The following DR1 variants were observed in gnomAD, a reference collection of about 807,000 sequenced individuals.
The protein encoded by DR1 is down-regulator of transcription 1.
DR1 carries 7 observed loss-of-function variants against 19.9 expected under a neutral mutation model. The observed-to-expected ratio is 0.35, with a 90% CI of 0.20 to 0.66. DR1 has a LOEUF of 0.66. Among genes scored for constraint, DR1 ranks in the 30% least tolerant of loss-of-function variants. DR1 has a pLI of 0.66. For synonymous variants in DR1, 76 were observed against 72.5 expected (o/e 1.05, Z -0.24); for missense variants, 98 against 203.7 (o/e 0.48, Z 3.16).
Position 93,362,236 on chromosome 1 carries a change from C to T in DR1, c.*1597C>T, listed in dbSNP as rs1194088312. 1 of 152,416 alleles carries T rather than the reference C, an allele frequency of 6.6e-6. No individual in the cohort carries two copies. The highest frequency in any genetic ancestry group is 1.5e-5 in the Non-Finnish European group (1 of 67,874). The allele number at this position is 152,416 out of a possible 1,614,324, so 9.4% of individuals were successfully genotyped here. ...TGCTGAATGTTTTAAGTTGAAGTTA[C>T]TTCATGGATGTCATACCCATGAAGT... On this transcript the variant is annotated 3_prime_UTR_variant, in exon 3 of 3. Transcript: ENST00000370272.
intron 2 of DR1, among the ~76,000 whole-genome samples, chr1:93,356,232 CTTT>C (rs5776179): frequency 1.4e-5 from 2 of 147,548 alleles, no homozygotes. Flanking sequence ...TATCAATCAA[CTTT>C]TTTTTTTTTT....
In DR1 at chr1:93,362,610, G is replaced by A. The variant is rs115884203; in HGVS notation, c.*1971G>A. Reference sequence around the variant, plus strand: ...TTTATAAATGGTTTTTATATTTAATGTTCTATAGAGAGATTTCTATTATTA... The same window carrying A: ...TTTATAAATGGTTTTTATATTTAATATTCTATAGAGAGATTTCTATTATTA... On this transcript the variant is annotated 3_prime_UTR_variant, in exon 3 of 3. Coordinates refer to ENST00000370272, the MANE Select transcript of DR1 (RefSeq NM_001938.3). 7.2e-5 allele frequency: 11 copies of A among 151,920 alleles called. No homozygotes were observed. The South Asian group carries it at 8.3e-4, about 11-fold the overall frequency. 9.4% of individuals were successfully genotyped at this position (151,920 alleles called of 1,614,324 possible).
At position 93,351,849 on chromosome 1, in the gene DR1, C is replaced by T. The variant is rs1207175936; in HGVS notation, c.221-2059C>T. ...TTGATATTTTATAAATATGCTTGTC[C>T]AGCTTGTATTTAAATATGATATTGT... is the stretch of plus-strand genomic sequence containing the variant. On this transcript the variant is annotated intron_variant, in intron 1 of 2. Transcript: ENST00000370272. Among the ~76,000 whole-genome samples the T allele has an allele frequency of 2.6e-5, 4 of 151,870 alleles. No individual in the cohort carries two copies. In the East Asian group the frequency reaches 7.7e-4, roughly 29 times the overall value.
rs1455297213 is a variant in DR1, at chr1:93,369,455, A to C, written c.*8816A>C. Reference sequence around the variant, plus strand: ...CTAAATGATTCACTCAGTGTTATGCAGAATATGAGAAGTTATTTTATAAAG... The same window carrying C: ...CTAAATGATTCACTCAGTGTTATGCCGAATATGAGAAGTTATTTTATAAAG... On this transcript the variant is annotated 3_prime_UTR_variant, in exon 3 of 3. Coordinates refer to ENST00000370272, the MANE Select transcript of DR1 (RefSeq NM_001938.3). 6.6e-6 allele frequency: 1 copy of C among 152,204 alleles called. No homozygotes were observed. Among genetic ancestry groups the C allele is most frequent in the African/African-American group, 2.4e-5 (1 of 41,450 alleles). The allele number at this position is 152,204 out of a possible 1,614,324, so 9.4% of individuals were successfully genotyped here. A position where few individuals can be genotyped will look rare whatever the true frequency, so the allele number is the denominator to read the frequency against.
In DR1 at chr1:93,362,826, CTTTTTTTTTTTTTTTTTTT is replaced by C. The variant is rs55792701; in HGVS notation, c.*2197_*2215del. ...GCAATATTTTATTTTTAGGTTTTTT[CTTTTTTTTTTTTTTTTTTT>C]TTTTTTTTTAGCATTTAAGAGTCAC... On this transcript the variant is annotated 3_prime_UTR_variant, in exon 3 of 3. Coordinates refer to ENST00000370272, the MANE Select transcript of DR1 (RefSeq NM_001938.3). 1 of 52,848 alleles carries C rather than the reference CTTTTTTTTTTTTTTTTTTT, an allele frequency of 1.9e-5. No homozygotes were observed. The highest frequency in any genetic ancestry group is 3.6e-5 in the Non-Finnish European group (1 of 27,564). The allele number at this position is 52,848 out of a possible 1,614,324, so 3.3% of individuals were successfully genotyped here. A position where few individuals can be genotyped will look rare whatever the true frequency, so the allele number is the denominator to read the frequency against.
Position 93,368,883 on chromosome 1 carries a change from A to C in DR1, c.*8244A>C, listed in dbSNP as rs1334726389. 6.6e-6 allele frequency: 1 copy of C among 152,308 alleles called. No individual in the cohort carries two copies. The highest frequency in any genetic ancestry group is 1.9e-4 in the East Asian group (1 of 5,188). 9.4% of individuals were successfully genotyped at this position (152,308 alleles called of 1,614,324 possible). The stretch of plus-strand genomic sequence containing the variant: ...AAACTAAGATTCCAAGAAATTAAGT[A>C]CTGTTGGCCCTCTGTGTCTGGGGGT... On this transcript the variant is annotated 3_prime_UTR_variant, in exon 3 of 3. Transcript: ENST00000370272.
chr1:93,351,441 T>C lies in DR1; in HGVS notation c.221-2467T>C, dbSNP rs11807131. Reference sequence around the variant, plus strand: ...GCTTGGATTGGATTTTCTTTCTTTTTTTTTTTTTTTTTTTTTTTGAGACAG... The same window carrying C: ...GCTTGGATTGGATTTTCTTTCTTTTCTTTTTTTTTTTTTTTTTTGAGACAG... On this transcript the variant is annotated intron_variant, in intron 1 of 2. Transcript: ENST00000370272. Among the ~76,000 whole-genome samples, 82 of 138,326 alleles carry C rather than the reference T, an allele frequency of 5.9e-4. 1 individual carries two copies. The highest frequency in any genetic ancestry group is 2.3e-3 in the African/African-American group (77 of 34,138). The allele number at this position is 138,326 out of a possible 152,430, so 90.7% of individuals were successfully genotyped here. A position where few individuals can be genotyped will look rare whatever the true frequency, so the allele number is the denominator to read the frequency against.
Position 93,362,372 on chromosome 1 carries a change from CATCCTT to C in DR1, c.*1736_*1741del, listed in dbSNP as rs1297971591. Reference sequence around the variant, plus strand: ...TTGGCTTTTCTAATTTGTACTGTAACATCCTTATACTTTCTATTTTAAGTATATCTG... The same window carrying C: ...TTGGCTTTTCTAATTTGTACTGTAACATACTTTCTATTTTAAGTATATCTG... On this transcript the variant is annotated 3_prime_UTR_variant, in exon 3 of 3. Coordinates refer to ENST00000370272, the MANE Select transcript of DR1 (RefSeq NM_001938.3). 1.3e-5 allele frequency: 2 copies of C among 151,610 alleles called. No individual in the cohort carries two copies. Among genetic ancestry groups the C allele is most frequent in the East Asian group, 3.9e-4 (2 of 5,154 alleles). 9.4% of individuals were successfully genotyped at this position (151,610 alleles called of 1,614,324 possible). A position where few individuals can be genotyped will look rare whatever the true frequency, so the allele number is the denominator to read the frequency against.
At position 93,366,444 on chromosome 1, in the gene DR1, T is replaced by C. The variant is rs1342080146; in HGVS notation, c.*5805T>C. ...ATATTCGCAATTGAAATAGGGAAAG[T>C]CTTTATATTCATATAAAGATAATTT... On this transcript the variant is annotated 3_prime_UTR_variant, in exon 3 of 3. Transcript: ENST00000370272. 5 of 152,166 alleles carry C rather than the reference T, an allele frequency of 3.3e-5. No homozygotes were observed. Among genetic ancestry groups the C allele is most frequent in the African/African-American group, 1.2e-4 (5 of 41,432 alleles). The allele number at this position is 152,166 out of a possible 1,614,324, so 9.4% of individuals were successfully genotyped here.
At chr1:93,352,764 C>T (rs1557745795) in intron 1 of DR1, among the ~76,000 whole-genome samples, 1 of 151,940 alleles carries the variant, frequency 6.6e-6, no homozygotes, top group East Asian at 1.9e-4. Context: ...GTTCACAATA[C>T]AAAATATGCC....
chr1:93,346,827 C>A lies in DR1; in HGVS notation c.182C>A (p.Ser61Ter). ...GAAGCCAATGAGATTTGTAACAAAT[C>A]GGAAAAGAAGACCATCTCACCAGAG... ...SSEANEICNKSEKKTISPEHV... is the reference protein window; with the variant it reads ...SSEANEICNK Residue 61 changes from serine to a stop codon, truncating the protein, a stop_gained, in exon 1 of 3, where the codon TCG becomes TAG. Coordinates refer to ENST00000370272, the MANE Select transcript of DR1 (RefSeq NM_001938.3). LOFTEE classifies it high-confidence loss of function. 6.2e-7 allele frequency: 1 copy of A among 1,613,460 alleles called. No individual in the cohort carries two copies. The highest frequency in any genetic ancestry group is 8.5e-7 in the Non-Finnish European group (1 of 1,179,758).
chr1:93,348,736 A>G (rs1200647843), intron 1 of DR1, among the ~76,000 whole-genome samples: 1 of 152,098 alleles, frequency 6.6e-6, no homozygotes, highest in Non-Finnish European at 1.5e-5. Flanking sequence ...TTGACGTGTT[A>G]CCTTAAATTT....
chr1:93,362,911 G>A lies in DR1; in HGVS notation c.*2272G>A, dbSNP rs1667075964. On this transcript the variant is annotated 3_prime_UTR_variant, in exon 3 of 3. Transcript: ENST00000370272. Reference sequence around the variant, plus strand: ...GTTAAAATTTTTTAAATCTTTTGAAGAGAGAAACAAAATCTTCAGCGTTCT... The same window carrying A: ...GTTAAAATTTTTTAAATCTTTTGAAAAGAGAAACAAAATCTTCAGCGTTCT... 7.6e-6 allele frequency: 1 copy of A among 132,016 alleles called. No homozygotes were observed. Among genetic ancestry groups the A allele is most frequent in the East Asian group, 2.3e-4 (1 of 4,368 alleles). The allele number at this position is 132,016 out of a possible 1,614,324, so 8.2% of individuals were successfully genotyped here. A position where few individuals can be genotyped will look rare whatever the true frequency, so the allele number is the denominator to read the frequency against.
chr1:93,350,735 G>A (rs1166541769), intron 1 of DR1, among the ~76,000 whole-genome samples: 4 of 152,074 alleles, frequency 2.6e-5, no homozygotes, highest in Middle Eastern at 3.4e-3. Context: ...TGTACACCAT[G>A]GACTTTTCTG....
At chr1:93,357,002 A>C (rs1018754179) in intron 2 of DR1, among the ~76,000 whole-genome samples, 2 of 152,270 alleles carry the variant, frequency 1.3e-5, no homozygotes, top group East Asian at 3.9e-4. Flanking sequence ...GATTACAGGC[A>C]TGAGCCACCG....
chr1:93,355,037 T>C (rs1666962351), intron 2 of DR1: 1 of 152,176 alleles, frequency 6.6e-6, no homozygotes, highest in African/African-American at 2.4e-5. Context: ...TGCAATGTTA[T>C]AATTCATATG....
chr1:93,359,928 A>C (rs930978013), intron 2 of DR1, among the ~76,000 whole-genome samples: 1 of 152,204 alleles, frequency 6.6e-6, no homozygotes, highest in African/African-American at 2.4e-5. Flanking sequence ...ACAGAGAGAT[A>C]GGCATATAGT....
At chr1:93,350,630 A>T (rs143146665) in intron 1 of DR1, among the ~76,000 whole-genome samples, 1 of 152,298 alleles carries the variant, frequency 6.6e-6, no homozygotes, top group Non-Finnish European at 1.5e-5. Context: ...TTGTTGCTTC[A>T]AAGAAATTTT....
chr1:93,359,794 G>A (rs1667031695), intron 2 of DR1, among the ~76,000 whole-genome samples: 1 of 152,124 alleles, frequency 6.6e-6, no homozygotes, highest in African/African-American at 2.4e-5. Flanking sequence ...GTTTTTAATA[G>A]AGGATATATC....
Sources: gnomAD v4.1 joint callset for allele counts (sites outside exome capture counted in the v4.1 genomes callset) on GRCh38, gnomAD v4.1.1 for gene constraint, MANE v1.5 for transcripts, NCBI Gene and HGNC (gene_info 2026-07-23, HGNC 2026-07-21) for gene names.